NAGA: variants seen among roughly 807,000 people sequenced by gnomAD.
NAGA encodes Acetylgalactosaminidase, alpha-N- (alpha-galactosidase B).
A neutral mutation model predicts 45.6 loss-of-function variants in NAGA; 42 were observed. That is an observed-to-expected ratio of 0.92 (90% CI 0.72 to 1.19). The LOEUF (loss-of-function observed/expected upper bound fraction) is 1.19, where lower values mean the gene tolerates loss of function less well. Among genes scored for constraint, NAGA ranks in the 50% most tolerant of loss-of-function variants. The pLI is 0.00. For missense variants in NAGA, 493 were observed against 544.8 expected (o/e 0.90, Z 0.95); for synonymous variants, 176 against 203.1 (o/e 0.87, Z 1.13).
rs1926754559 is a variant in NAGA at position 42,066,720 on chromosome 22, A to G, written c.587T>C (p.Leu196Pro). 2 of 1,599,130 alleles carry G rather than the reference A, an allele frequency of 1.3e-6. No homozygotes were observed. The highest frequency in any genetic ancestry group is 1.7e-6 in the Non-Finnish European group (2 of 1,173,318). Residue 196 changes from leucine (L) to proline (P), a missense_variant, in exon 5 of 9, where the codon CTC (leucine) becomes CCC (proline). Leu to Pro is a moderately conservative substitution (Grantham distance 98). Transcript: ENST00000396398. ...SCSWPAYEGGLPPRVNYSLLA... is the reference protein window; with the variant it reads ...SCSWPAYEGGPPPRVNYSLLA... Reference sequence around the variant, plus strand: ...GGCAGAATGGCTTACCCTTGGGGGGAGGCCGCCTTCATAGGCTGGCCAGCT... The same window carrying G: ...GGCAGAATGGCTTACCCTTGGGGGGGGGCCGCCTTCATAGGCTGGCCAGCT...
chr22:42,066,711 C>T lies in NAGA; in HGVS notation c.596G>A (p.Arg199Lys). 1 of 1,596,748 alleles carries T rather than the reference C, an allele frequency of 6.3e-7. No homozygotes were observed. The highest frequency in any genetic ancestry group is 8.5e-7 in the Non-Finnish European group (1 of 1,172,008). The change falls in exon 5 of 9, where the codon AGG becomes AAG. Residue 199 changes from arginine (R) to lysine (K), a missense_variant and splice_region_variant. Physicochemically the swap from Arg to Lys is conservative, Grantham distance 26. Transcript: ENST00000396398. Reference sequence around the variant, plus strand: ...CAGGCAGGGGGCAGAATGGCTTACCCTTGGGGGGAGGCCGCCTTCATAGGC... The same window carrying T: ...CAGGCAGGGGGCAGAATGGCTTACCTTTGGGGGGAGGCCGCCTTCATAGGC... ...WPAYEGGLPP[R>K]VNYSLLADIC...
chr22:42,067,322 G>A (rs1569458514), intron 3 of NAGA, 32 bp from the exon 4 acceptor site: 1 of 1,612,940 alleles, frequency 6.2e-7, no homozygotes, highest in Admixed American at 1.7e-5. Context: ...GTGGGCTCAA[G>A]CAGGACCCTC....
Position 42,060,326 on chromosome 22 carries a change from T to A in NAGA, c.1189A>T (p.Met397Leu). The A allele has an allele frequency of 6.2e-7, 1 of 1,613,586 alleles. No homozygotes were observed. Among genetic ancestry groups the A allele is most frequent in the Non-Finnish European group, 8.5e-7 (1 of 1,179,918 alleles). ...TVIINPSGVVMWYLYPIKNLE... is the reference protein window; with the variant it reads ...TVIINPSGVVLWYLYPIKNLE... ...TTCTTGATGGGATACAGGTACCACATCACTACCCCTGAAGGGTTGATGATC... is the reference window on the plus strand; with the variant it reads ...TTCTTGATGGGATACAGGTACCACAACACTACCCCTGAAGGGTTGATGATC... Residue 397 changes from methionine (M) to leucine (L), a missense_variant, in exon 9 of 9, where the codon ATG (methionine) becomes TTG (leucine). Met to Leu is a conservative substitution (Grantham distance 15). Transcript: ENST00000396398.
rs1926990014 is a variant in NAGA at position 42,070,525 on chromosome 22, C to G, written c.-228G>C. On this transcript the variant is annotated 5_prime_UTR_variant, in exon 1 of 9. Transcript: ENST00000396398. ...AGCTTCAGTTCTTCCTTCAGAAATA[C>G]GAAACAACGTGTCTTGGATGTCAGA... The G allele has an allele frequency of 1.7e-5, 11 of 641,380 alleles. No individual in the cohort carries two copies. The highest frequency in any genetic ancestry group is 6.6e-5 in the Admixed American group (3 of 45,240). 39.7% of individuals were successfully genotyped at this position (641,380 alleles called of 1,614,324 possible).
chr22:42,060,659 G>C (rs967114646), intron 8 of NAGA, among the ~76,000 whole-genome samples: 2 of 152,212 alleles, frequency 1.3e-5, no homozygotes, highest in Non-Finnish European at 2.9e-5. Flanking sequence ...GTGCCAGCAA[G>C]GGCTGACCCT....
rs1926274455 is a variant in NAGA, at chr22:42,060,145, C to T, written c.*134G>A. ...GGCATAGAACCTGGCCGTGAGATTG[C>T]ACTTTGGGTATGATGGGGTCAGTCA... On this transcript the variant is annotated 3_prime_UTR_variant, in exon 9 of 9. Transcript: ENST00000396398. 8.3e-6 allele frequency: 10 copies of T among 1,202,314 alleles called. No individual in the cohort carries two copies. The highest frequency in any genetic ancestry group is 2.7e-4 in the Middle Eastern group (1 of 3,696). 74.5% of individuals were successfully genotyped at this position (1,202,314 alleles called of 1,614,324 possible).
intron 7 of NAGA, among the ~76,000 whole-genome samples, chr22:42,062,242 T>TAA (rs1047230285): frequency 2.0e-5 from 3 of 151,966 alleles, no homozygotes; most frequent in Non-Finnish European, 2.9e-5. Flanking sequence ...GGGAGGCTGA[T>TAA]ACGGGTGGAT....
intron 6 of NAGA, 44 bp from the exon 7 acceptor site, chr22:42,063,068 G>A: frequency 6.3e-7 from 1 of 1,585,642 alleles, no homozygotes; most frequent in South Asian, 1.1e-5. Flanking sequence ...TCTCCTCAAG[G>A]AGGTAGACAC....
In NAGA at chr22:42,067,942, G is replaced by C. The variant is rs746700790; in HGVS notation, c.153-6C>G. The C allele has an allele frequency of 1.2e-5, 19 of 1,613,220 alleles. No homozygotes were observed. In the South Asian group the frequency reaches 1.9e-4, roughly 16 times the overall value. On this transcript the variant is annotated splice_region_variant and splice_polypyrimidine_tract_variant and intron_variant, in intron 2 of 8. Transcript: ENST00000396398. ...TCTCCATGAAGAGCTGTTCACTAGT[G>C]AGGGGCAGAGGGATGGGGTAGCTCA...
chr22:42,066,927 T>C, intron 4 of NAGA, 123 bp from the exon 5 acceptor site: 1 of 1,361,254 alleles, frequency 7.3e-7, no homozygotes, highest in Non-Finnish European at 1.0e-6. Context: ...CCTCCCCACA[T>C]ACCCAGAGCC....
At chr22:42,061,446 T>C (rs1022203753) in intron 7 of NAGA, among the ~76,000 whole-genome samples, 15 of 152,222 alleles carry the variant, frequency 9.9e-5, no homozygotes. Context: ...TGGAGGGTGC[T>C]GTCCAGTGGG....
rs1602488858 is a variant in NAGA, at chr22:42,059,292, G to A, written c.*987C>T. The A allele has an allele frequency of 6.6e-6, 1 of 152,284 alleles. No individual in the cohort carries two copies. Among genetic ancestry groups the A allele is most frequent in the Non-Finnish European group, 1.5e-5 (1 of 68,086 alleles). 9.4% of individuals were successfully genotyped at this position (152,284 alleles called of 1,614,324 possible). ...AACCCATCATTCCTTCACTTTGACT[G>A]TTACCCCTGTCCTTAGGAAGAGGGA... is the stretch of plus-strand genomic sequence containing the variant. On this transcript the variant is annotated 3_prime_UTR_variant, in exon 9 of 9. Coordinates refer to ENST00000396398, the MANE Select transcript of NAGA (RefSeq NM_000262.3).
intron 3 of NAGA, 83 bp from the exon 4 acceptor site, chr22:42,067,373 AC>A: frequency 6.5e-7 from 1 of 1,546,424 alleles, no homozygotes; most frequent in East Asian, 2.3e-5. Flanking sequence ...GTCCCATTAA[AC>A]CTCCAGTGGC....
Position 42,070,785 on chromosome 22 carries a change from G to A in NAGA, c.-488C>T. On this transcript the variant is annotated 5_prime_UTR_variant, in exon 1 of 9. Coordinates refer to ENST00000396398, the MANE Select transcript of NAGA (RefSeq NM_000262.3). Reference sequence around the variant, plus strand: ...TACCGAAGCGTTCAGACCTGCCGCCGCTTCTGACTCGAATCCGGTAACCTG... The same window carrying A: ...TACCGAAGCGTTCAGACCTGCCGCCACTTCTGACTCGAATCCGGTAACCTG... The A allele has an allele frequency of 8.8e-6, 2 of 228,472 alleles. No homozygotes were observed. Among genetic ancestry groups the A allele is most frequent in the South Asian group, 1.1e-4 (2 of 17,874 alleles). 14.2% of individuals were successfully genotyped at this position (228,472 alleles called of 1,614,324 possible).
At chr22:42,064,938 G>T (rs1191142381) in intron 6 of NAGA, among the ~76,000 whole-genome samples, 1 of 152,182 alleles carries the variant, frequency 6.6e-6, no homozygotes, top group Non-Finnish European at 1.5e-5. Context: ...ACAATTACAG[G>T]CTTAGTGACA....
chr22:42,063,862 T>C (rs1002024382), intron 6 of NAGA, among the ~76,000 whole-genome samples: 3 of 152,246 alleles, frequency 2.0e-5, no homozygotes, highest in Non-Finnish European at 4.4e-5. Flanking sequence ...GAGACCATCC[T>C]GGCCAACATA....
At chr22:42,067,335 G>A (rs1342743085) in intron 3 of NAGA, 45 bp from the exon 4 acceptor site, 1 of 1,610,116 alleles carries the variant, frequency 6.2e-7, no homozygotes, top group Admixed American at 1.7e-5. Context: ...GGACCCTCAA[G>A]GAGCCTCCTC....
At position 42,067,176 on chromosome 22, in the gene NAGA, C is replaced by CT; in HGVS notation, c.438_439insA (p.Glu147ArgfsTer47). The CT allele has an allele frequency of 6.2e-7, 1 of 1,614,132 alleles. No homozygotes were observed. The highest frequency in any genetic ancestry group is 8.5e-7 in the Non-Finnish European group (1 of 1,179,994). ...AGCTTGAGCATGTCTACCTTCCACT[C>CT]GGCGAAGGTCTGAGCATCCTGGACC... is the stretch of plus-strand genomic sequence containing the variant. On this transcript the variant is annotated frameshift_variant, in exon 4 of 9. Transcript: ENST00000396398. LOFTEE classifies it high-confidence loss of function.
Position 42,067,800 on chromosome 22 carries a change from G to C in NAGA, c.289C>G (p.Arg97Gly), listed in dbSNP as rs140775168. Residue 97 changes from arginine to glycine, a missense_variant, in exon 3 of 9, where the codon CGC becomes GGC. Arg to Gly is a moderately radical substitution (Grantham distance 125, BLOSUM62 -2). Transcript: ENST00000396398. ...AGGAAAGGAATGCCATGAGGGAAGC[G>C]CTTGGGATCCGGCATCAGGCGGCCA... ...ASGRLMPDPKRFPHGIPFLAD... is the reference protein window; with the variant it reads ...ASGRLMPDPKGFPHGIPFLAD... The C allele has an allele frequency of 3.9e-5, 63 of 1,612,584 alleles. No homozygotes were observed. Among genetic ancestry groups the C allele is most frequent in the Non-Finnish European group, 5.1e-5 (60 of 1,179,996 alleles).
Sources: gnomAD v4.1 joint callset for allele counts (sites outside exome capture counted in the v4.1 genomes callset) on GRCh38, gnomAD v4.1.1 for gene constraint, MANE v1.5 for transcripts, NCBI Gene and HGNC (gene_info 2026-07-23, HGNC 2026-07-21) for gene names.